The following TRABD2B variants were observed in gnomAD, a reference collection of about 807,000 sequenced individuals.
TRABD2B encodes the protein TraB domain containing 2B.
A neutral mutation model predicts 40.1 loss-of-function variants in TRABD2B; 14 were observed. The ratio of observed to expected loss-of-function variants is 0.35; its 90% CI spans 0.23 to 0.55. The LOEUF is 0.55. Among genes scored for constraint, TRABD2B ranks in the 20% least tolerant of loss-of-function variants. The pLI is 0.90. For missense variants in TRABD2B, 541 were observed against 648.6 expected, an observed-to-expected ratio of 0.83 and a Z score of 1.80; for synonymous variants, 263 against 277.0, an observed-to-expected ratio of 0.95 and a Z score of 0.50.
intron 4 of TRABD2B, among the ~76,000 whole-genome samples, chr1:47,781,221 C>G (rs1322776783): frequency 6.6e-6 from 1 of 152,224 alleles, no homozygotes; most frequent in Non-Finnish European, 1.5e-5. Flanking sequence ...AAAGGCAACT[C>G]CTTTTCTGCC....
chr1:47,931,492 C>T (rs973483420), intron 2 of TRABD2B, among the ~76,000 whole-genome samples: 1 of 152,156 alleles, frequency 6.6e-6, no homozygotes, highest in Non-Finnish European at 1.5e-5. Context: ...AGAAGTGATG[C>T]TGTGCCTGTT....
intron 2 of TRABD2B, among the ~76,000 whole-genome samples, chr1:47,847,118 C>T (rs1334604862): frequency 1.3e-5 from 2 of 152,172 alleles, no homozygotes; most frequent in Non-Finnish European, 2.9e-5. Context: ...TTCCTGGAAA[C>T]TGCTCCTTCT....
At chr1:47,874,628 CAGGATTAT>C (rs1210231633) in intron 2 of TRABD2B, among the ~76,000 whole-genome samples, 1 of 147,948 alleles carries the variant, frequency 6.8e-6, no homozygotes, top group African/African-American at 2.5e-5. Flanking sequence ...AGTGCAGTAG[CAGGATTAT>C]AGCTCACTGA....
At chr1:47,906,323 C>G (rs1644677691) in intron 2 of TRABD2B, among the ~76,000 whole-genome samples, 1 of 152,150 alleles carries the variant, frequency 6.6e-6, no homozygotes, top group Non-Finnish European at 1.5e-5. Flanking sequence ...TATTATTTTC[C>G]CTATTTCACA....
Position 47,917,707 on chromosome 1 carries a change from A to G in TRABD2B, c.666+76327T>C, listed in dbSNP as rs565083814. Among the ~76,000 whole-genome samples, 5 of 152,218 alleles carry G rather than the reference A, an allele frequency of 3.3e-5. No homozygotes were observed. In the South Asian group the frequency reaches 1.0e-3, roughly 32 times the overall value. On this transcript the variant is annotated intron_variant, in intron 2 of 6. Transcript: ENST00000606738. ...TATGATTGCACCACTGCACTTCAGC[A>G]TAGGTGACAGAGTGAGACACTGTCT... is the stretch of plus-strand genomic sequence containing the variant.
intron 2 of TRABD2B, among the ~76,000 whole-genome samples, chr1:47,810,523 C>T (rs938752682): frequency 2.0e-5 from 3 of 152,218 alleles, no homozygotes; most frequent in African/African-American, 4.8e-5. Context: ...GATAGGTTTG[C>T]AGCCAATGTG....
intron 2 of TRABD2B, among the ~76,000 whole-genome samples, chr1:47,835,989 G>A (rs1484448350): frequency 6.6e-6 from 1 of 152,188 alleles, no homozygotes; most frequent in Non-Finnish European, 1.5e-5. Flanking sequence ...CTATACTGAT[G>A]AGGTACAAGG....
chr1:47,894,611 G>A (rs1032564725), intron 2 of TRABD2B, among the ~76,000 whole-genome samples: 1 of 152,184 alleles, frequency 6.6e-6, no homozygotes, highest in African/African-American at 2.4e-5. Context: ...CTCTGAGGAG[G>A]TGATATTTCA....
chr1:47,869,719 C>T (rs549163811), intron 2 of TRABD2B, among the ~76,000 whole-genome samples: 9 of 152,324 alleles, frequency 5.9e-5, no homozygotes, highest in East Asian at 5.8e-4. Context: ...CATCAGATAG[C>T]GCTCAAAATC....
intron 2 of TRABD2B, among the ~76,000 whole-genome samples, chr1:47,859,827 T>C (rs142473489): frequency 6.6e-6 from 1 of 152,306 alleles, no homozygotes; most frequent in East Asian, 1.9e-4. Context: ...CATTCTATTT[T>C]GTATAATAAT....
chr1:47,901,950 A>G (rs1644606133), intron 2 of TRABD2B, among the ~76,000 whole-genome samples: 1 of 152,182 alleles, frequency 6.6e-6, no homozygotes, highest in Admixed American at 6.5e-5. Context: ...AAGGAGCCAC[A>G]GGGTGCCCTA....
intron 2 of TRABD2B, among the ~76,000 whole-genome samples, chr1:47,861,961 T>G (rs1413206631): frequency 6.6e-6 from 1 of 152,158 alleles, no homozygotes; most frequent in Non-Finnish European, 1.5e-5. Context: ...GGTTCAATAT[T>G]AAAAAATCAA....
intron 6 of TRABD2B, among the ~76,000 whole-genome samples, chr1:47,774,051 A>G (rs1039042443): frequency 2.9e-4 from 44 of 152,268 alleles, no homozygotes; most frequent in Admixed American, 2.4e-3. Context: ...TTCACCATCT[A>G]TAATGCACAG....
At chr1:47,929,267 T>C (rs1294906463) in intron 2 of TRABD2B, among the ~76,000 whole-genome samples, 2 of 152,202 alleles carry the variant, frequency 1.3e-5, no homozygotes. Flanking sequence ...GAGAGCCTCC[T>C]TAAATTTTGA....
At chr1:47,834,579 G>A (rs2095974) in intron 2 of TRABD2B, among the ~76,000 whole-genome samples, 129,291 of 148,860 alleles carry the variant, frequency 0.87, 56,296 homozygotes, top group East Asian at 0.95. Context: ...ACACACACGC[G>A]CACACACACA....
At chr1:47,859,613 A>G (rs968408975) in intron 2 of TRABD2B, among the ~76,000 whole-genome samples, 3 of 152,196 alleles carry the variant, frequency 2.0e-5, no homozygotes, top group Middle Eastern at 3.2e-3. Flanking sequence ...ACCAGCAGGC[A>G]TGTGGCCAGA....
chr1:47,931,781 T>G (rs1415199747), intron 2 of TRABD2B, among the ~76,000 whole-genome samples: 1 of 152,192 alleles, frequency 6.6e-6, no homozygotes, highest in East Asian at 1.9e-4. Context: ...GTCCAAGTCC[T>G]GATCCCATGG....
At position 47,860,904 on chromosome 1, in the gene TRABD2B, C is replaced by A. The variant is rs75834075; in HGVS notation, c.667-59285G>T. Among the ~76,000 whole-genome samples the A allele has an allele frequency of 5.3e-3, 804 of 152,266 alleles. 7 individuals carry two copies. The highest frequency in any genetic ancestry group is 0.017 in the African/African-American group (692 of 41,536). On this transcript the variant is annotated intron_variant, in intron 2 of 6. Transcript: ENST00000606738. The stretch of plus-strand genomic sequence containing the variant: ...GAAGCCAGCACCATGTCCTTCAACT[C>A]CCCAGCCTGCAAAATCGTAAGCCAA...
At chr1:47,982,400 C>T (rs1645853373) in intron 2 of TRABD2B, among the ~76,000 whole-genome samples, 2 of 152,168 alleles carry the variant, frequency 1.3e-5, no homozygotes, top group African/African-American at 2.4e-5. Context: ...CTCACAACAA[C>T]CCCAGGAGGT....
Sources: gnomAD v4.1 joint callset for allele counts (sites outside exome capture counted in the v4.1 genomes callset) on GRCh38, gnomAD v4.1.1 for gene constraint, MANE v1.5 for transcripts, NCBI Gene and HGNC (gene_info 2026-07-23, HGNC 2026-07-21) for gene names.